Variants in PCARE observed in about 807,000 individuals in gnomAD.
The protein encoded by PCARE is uncharacterized protein C2orf71.
A neutral mutation model predicts 82.2 loss-of-function variants in PCARE; 72 were observed. That is an observed-to-expected ratio of 0.88 (90% confidence interval 0.72 to 1.07). The LOEUF is 1.07. PCARE is among the 50% of genes least tolerant of loss of function. The pLI, the probability that PCARE is intolerant of heterozygous loss-of-function variation, is 0.00. For missense variants in PCARE, 1,768 were observed against 1,592.4 expected, an observed-to-expected ratio of 1.11 and a Z score of -1.88; for synonymous variants, 705 against 634.8, an observed-to-expected ratio of 1.11 and a Z score of -1.66.
chr2:29,074,185 T>C lies in PCARE; in HGVS notation c.77A>G (p.Lys26Arg). ...KSGIQFLKKP[K>R]AIRPGCQGGS... Reference sequence around the variant, plus strand: ...GCCCTGACATCCTGGCCGAATTGCTTTGGGCTTTTTCAAGAACTGAATGCC... The same window carrying C: ...GCCCTGACATCCTGGCCGAATTGCTCTGGGCTTTTTCAAGAACTGAATGCC... The change falls in exon 1 of 2, where the codon AAA becomes AGA. Residue 26 changes from lysine (K) to arginine (R), a missense_variant. By Grantham distance (26) the Lys-to-Arg change is conservative. Coordinates refer to ENST00000331664, the MANE Select transcript of PCARE (RefSeq NM_001029883.3). 1 of 1,606,264 alleles carries C rather than the reference T, an allele frequency of 6.2e-7. No individual in the cohort carries two copies. The highest frequency in any genetic ancestry group is 1.3e-5 in the African/African-American group (1 of 74,630).
At chr2:29,070,378 T>C (rs185375651) in intron 1 of PCARE, among the ~76,000 whole-genome samples, 7 of 152,290 alleles carry the variant, frequency 4.6e-5, no homozygotes, top group African/African-American at 1.7e-4. Context: ...TTAAAATATT[T>C]CCTAGGCAGC....
chr2:29,072,472 T>A lies in PCARE; in HGVS notation c.1790A>T (p.Glu597Val), dbSNP rs1558489343. Residue 597 changes from glutamate (E) to valine (V), a missense_variant, in exon 1 of 2, where the codon GAG (glutamate) becomes GTG (valine). Physicochemically the swap from Glu to Val is moderately radical, Grantham distance 121. Coordinates refer to ENST00000331664, the MANE Select transcript of PCARE (RefSeq NM_001029883.3). The part of the protein sequence containing the change: ...APERQTRSQS[E>V]SCLQSHVEDP... ...CTCCACGTGACTCTGGAGACACGAC[T>A]CTGACTGGGACCTCGTCTGCCTCTC... The A allele has an allele frequency of 1.9e-6, 3 of 1,614,102 alleles. No homozygotes were observed. Among genetic ancestry groups the A allele is most frequent in the Non-Finnish European group, 2.5e-6 (3 of 1,180,034 alleles).
Position 29,071,204 on chromosome 2 carries a change from G to T in PCARE, c.3058C>A (p.Gln1020Lys), listed in dbSNP as rs201355503. 8.5e-3 allele frequency: 13,566 copies of T among 1,602,778 alleles called. 62 individuals carry two copies. Among genetic ancestry groups the T allele is most frequent in the Non-Finnish European group, 9.8e-3 (11,508 of 1,174,310 alleles). Residue 1020 changes from glutamine to lysine, a missense_variant, in exon 1 of 2, where the codon CAG (glutamine) becomes AAG (lysine). Physicochemically the swap from Gln to Lys is moderately conservative, Grantham distance 53 (BLOSUM62 1). Transcript: ENST00000331664. ...RSLPSSYRPA[Q>K]PSPSAVQTPP... The stretch of plus-strand genomic sequence containing the variant: ...GTCTGCACAGCAGAGGGGCTTGGCT[G>T]GGCAGGTCTGTAAGAGGAGGGAAGG...
rs1667511331 is a variant in PCARE at position 29,072,613 on chromosome 2, T to G, written c.1649A>C (p.Glu550Ala). 2 of 1,613,994 alleles carry G rather than the reference T, an allele frequency of 1.2e-6. No individual in the cohort carries two copies. The highest frequency in any genetic ancestry group is 1.1e-5 in the South Asian group (1 of 91,084). Residue 550 changes from glutamate to alanine, a missense_variant, in exon 1 of 2, where the codon GAA (glutamate) becomes GCA (alanine). Physicochemically the swap from Glu to Ala is moderately radical, Grantham distance 107 (BLOSUM62 -1). Transcript: ENST00000331664. ...MILKMKESIS[E>A]RIKFVPVPCG... is the part of the protein sequence containing the mutation. ...GGGCACAGGGACAAACTTGATCCTT[T>G]CGCTGATTGACTCCTTCATCTTCAG...
rs758883789 is a variant in PCARE at position 29,071,402 on chromosome 2, G to T, written c.2860C>A (p.Pro954Thr). Residue 954 changes from proline (P) to threonine (T), a missense_variant, in exon 1 of 2, where the codon CCC (proline) becomes ACC (threonine). By Grantham distance (38) the Pro-to-Thr change is conservative (BLOSUM62 -1). Coordinates refer to ENST00000331664, the MANE Select transcript of PCARE (RefSeq NM_001029883.3). The stretch of plus-strand genomic sequence containing the variant: ...TGGTGCCAGGCGATGGCCTTCCGGG[G>T]CTGCCTGTAGAGGCTGGTGGCCTTC... ...AEKATSLYRQ[P>T]RKAIAWHHSG... 1 of 1,613,642 alleles carries T rather than the reference G, an allele frequency of 6.2e-7. No individual in the cohort carries two copies. The highest frequency in any genetic ancestry group is 8.5e-7 in the Non-Finnish European group (1 of 1,179,946).
chr2:29,068,161 A>T (rs1429800711), intron 1 of PCARE, among the ~76,000 whole-genome samples: 1 of 152,244 alleles, frequency 6.6e-6, no homozygotes, highest in Non-Finnish European at 1.5e-5. Context: ...AGAGATTCTC[A>T]GATGAAAACC....
Position 29,071,272 on chromosome 2 carries a change from G to C in PCARE, c.2990C>G (p.Thr997Arg). 1.9e-6 allele frequency: 3 copies of C among 1,613,538 alleles called. No homozygotes were observed. The highest frequency in any genetic ancestry group is 2.5e-6 in the Non-Finnish European group (3 of 1,179,950). Residue 997 changes from threonine (T) to arginine (R), a missense_variant, in exon 1 of 2, where the codon ACG becomes AGG. By Grantham distance (71) the Thr-to-Arg change is moderately conservative. Transcript: ENST00000331664. ...TGCTTGAGGCACCCAGTGTGTCCTCGTGGGAGAGGCCTTTCTGCCCACAGG... is the reference window on the plus strand; with the variant it reads ...TGCTTGAGGCACCCAGTGTGTCCTCCTGGGAGAGGCCTTTCTGCCCACAGG... ...SPPVGRKASP[T>R]RTHWVPQADK...
At position 29,072,266 on chromosome 2, in the gene PCARE, G is replaced by A. The variant is rs1252982808; in HGVS notation, c.1996C>T (p.Leu666Phe). The A allele has an allele frequency of 1.2e-6, 2 of 1,614,118 alleles. No homozygotes were observed. Among genetic ancestry groups the A allele is most frequent in the African/African-American group, 1.3e-5 (1 of 74,940 alleles). The change falls in exon 1 of 2, where the codon CTC becomes TTC. Residue 666 changes from leucine to phenylalanine, a missense_variant. Physicochemically the swap from Leu to Phe is conservative, Grantham distance 22. Coordinates refer to ENST00000331664, the MANE Select transcript of PCARE (RefSeq NM_001029883.3). ...RVSPSNTTSR[L>F]KASLTKNFSI... ...AAGTTCTTGGTGAGGGATGCCTTGA[G>A]CCTGCTGGTGGTGTTGCTTGGACTG... is the stretch of plus-strand genomic sequence containing the variant.
At chr2:29,065,242 C>T (rs572721235) in intron 1 of PCARE, among the ~76,000 whole-genome samples, 175 bp from the exon 2 acceptor site, 1 of 152,268 alleles carries the variant, frequency 6.6e-6, no homozygotes, top group South Asian at 2.1e-4. Context: ...CTGGTGCCGC[C>T]ATTGCCGTGT....
At chr2:29,066,966 G>A (rs1369939704) in intron 1 of PCARE, among the ~76,000 whole-genome samples, 1 of 152,246 alleles carries the variant, frequency 6.6e-6, no homozygotes, top group East Asian at 1.9e-4. Flanking sequence ...AACAGTTGAA[G>A]CTCAGTAATT....
In PCARE at chr2:29,072,488, T is replaced by C. The variant is rs754676637; in HGVS notation, c.1774A>G (p.Thr592Ala). 3.1e-6 allele frequency: 5 copies of C among 1,614,112 alleles called. No homozygotes were observed. The African/African-American group carries it at 5.3e-5, about 17-fold the overall frequency. The change falls in exon 1 of 2, where the codon ACG (threonine) becomes GCG (alanine). Residue 592 changes from threonine to alanine, a missense_variant. Physicochemically the swap from Thr to Ala is moderately conservative, Grantham distance 58. Transcript: ENST00000331664. Reference protein sequence around the residue: ...SGSRRAPERQTRSQSESCLQS... With the variant: ...SGSRRAPERQARSQSESCLQS... ...AGACACGACTCTGACTGGGACCTCG[T>C]CTGCCTCTCAGGGGCCCTCCTGCTG...
At chr2:29,068,043 C>T (rs1011247788) in intron 1 of PCARE, among the ~76,000 whole-genome samples, 2 of 152,142 alleles carry the variant, frequency 1.3e-5, no homozygotes, top group East Asian at 1.9e-4. Flanking sequence ...TTAATTAATG[C>T]CATTTTATTG....
In PCARE at chr2:29,072,875, C is replaced by A. The variant is rs199764925; in HGVS notation, c.1387G>T (p.Val463Phe). The A allele has an allele frequency of 8.1e-4, 1,300 of 1,614,170 alleles. 28 individuals carry two copies. The South Asian group carries it at 0.013, about 16-fold the overall frequency. Residue 463 changes from valine (V) to phenylalanine (F), a missense_variant, in exon 1 of 2, where the codon GTC becomes TTC. Transcript: ENST00000331664. ...STPCDSFGIG[V>F]SVEPHLSKTS... ...TTGGAAAGGTGTGGTTCCACAGAGA[C>A]CCCAATCCCAAAGGAATCACATGGG...
At position 29,062,475 on chromosome 2, in the gene PCARE, G is replaced by T. The variant is rs932790175; in HGVS notation, c.*2394C>A. 1 of 152,342 alleles carries T rather than the reference G, an allele frequency of 6.6e-6. No homozygotes were observed. The highest frequency in any genetic ancestry group is 1.5e-5 in the Non-Finnish European group (1 of 68,160). The allele number at this position is 152,342 out of a possible 1,614,324, so 9.4% of individuals were successfully genotyped here. ...GGTGGGCACTTCCTGCTGCTTGCCAGCCTAGCCTGGCGAGGGACAACCTCT... is the reference window on the plus strand; with the variant it reads ...GGTGGGCACTTCCTGCTGCTTGCCATCCTAGCCTGGCGAGGGACAACCTCT... On this transcript the variant is annotated 3_prime_UTR_variant, in exon 2 of 2. Coordinates refer to ENST00000331664, the MANE Select transcript of PCARE (RefSeq NM_001029883.3).
chr2:29,066,710 C>G (rs1179189453), intron 1 of PCARE, among the ~76,000 whole-genome samples: 1 of 152,264 alleles, frequency 6.6e-6, no homozygotes, highest in African/African-American at 2.4e-5. Flanking sequence ...CCAATCTCAT[C>G]TGTGTTGGCC....
Position 29,064,989 on chromosome 2 carries a change from C to T in PCARE, c.3747G>A (p.Arg1249=). 5 of 1,579,736 alleles carry T rather than the reference C, an allele frequency of 3.2e-6. No individual in the cohort carries two copies. Among genetic ancestry groups the T allele is most frequent in the Non-Finnish European group, 3.4e-6 (4 of 1,162,628 alleles). Residue 1249 remains arginine, a synonymous_variant, in exon 2 of 2, where the codon AGG becomes AGA. Coordinates refer to ENST00000331664, the MANE Select transcript of PCARE (RefSeq NM_001029883.3). ...CACAGAACTCTGGGGGAGATGCACGCCTGGTGCCGCCCTGCAGTTCAGGGG... is the reference window on the plus strand; with the variant it reads ...CACAGAACTCTGGGGGAGATGCACGTCTGGTGCCGCCCTGCAGTTCAGGGG... ...PCSPELQGGT[R]RASPPEFCVL... is the part of the protein sequence containing the mutation.
intron 1 of PCARE, 126 bp from the exon 2 acceptor site, chr2:29,065,193 G>C: frequency 8.6e-7 from 1 of 1,158,984 alleles, no homozygotes. Context: ...TGTTCACCCT[G>C]GGTGCCAGGC....
In PCARE at chr2:29,064,758, C is replaced by T. The variant is rs1667366022; in HGVS notation, c.*111G>A. ...GTGCACCTTCCAGGCCTTTCCAGGA[C>T]ACCTCAGTAGGAGTTTGGTTTGCCC... On this transcript the variant is annotated 3_prime_UTR_variant, in exon 2 of 2. Transcript: ENST00000331664. The T allele has an allele frequency of 7.0e-7, 1 of 1,423,504 alleles. No individual in the cohort carries two copies. The highest frequency in any genetic ancestry group is 9.7e-7 in the Non-Finnish European group (1 of 1,034,322). The allele number at this position is 1,423,504 out of a possible 1,614,324, so 88.2% of individuals were successfully genotyped here.
Position 29,072,998 on chromosome 2 carries a change from C to T in PCARE, c.1264G>A (p.Val422Ile). The T allele has an allele frequency of 6.2e-7, 1 of 1,614,114 alleles. No individual in the cohort carries two copies. The highest frequency in any genetic ancestry group is 8.5e-7 in the Non-Finnish European group (1 of 1,180,022). Reference sequence around the variant, plus strand: ...GCTTCGTCCTGTGCTCGTGGCTGAACCTTTGCCATAGGAGCCCCTGAGAGC... The same window carrying T: ...GCTTCGTCCTGTGCTCGTGGCTGAATCTTTGCCATAGGAGCCCCTGAGAGC... ...CLLSGAPMAK[V>I]QPRAQDEARS... Residue 422 changes from valine to isoleucine, a missense_variant, in exon 1 of 2, where the codon GTT (valine) becomes ATT (isoleucine). Physicochemically the swap from Val to Ile is conservative, Grantham distance 29 (BLOSUM62 3). Coordinates refer to ENST00000331664, the MANE Select transcript of PCARE (RefSeq NM_001029883.3).
Sources: allele counts gnomAD v4.1 joint callset (sites outside exome capture counted in the v4.1 genomes callset), GRCh38; gene constraint gnomAD v4.1.1; transcripts MANE v1.5; gene names NCBI Gene and HGNC (gene_info 2026-07-23, HGNC 2026-07-21).